LRIF1: variants seen among roughly 807,000 people sequenced by gnomAD.
LRIF1 encodes ligand-dependent nuclear receptor-interacting factor 1.
LRIF1 carries 32 observed loss-of-function variants against 52.7 expected under a neutral mutation model. The observed-to-expected ratio is 0.61, with a 90% CI of 0.46 to 0.82. The LOEUF is 0.82. LRIF1 is among the 40% of genes least tolerant of loss of function. The probability of loss-of-function intolerance (pLI) is 0.00; values close to 1 mark genes in which losing one functional copy is unlikely to be tolerated. For synonymous variants in LRIF1, 323 were observed against 317.4 expected (o/e 1.02, Z -0.19); for missense variants, 887 against 892.0 (o/e 0.99, Z 0.07).
At chr1:110,879,352 C>T in the LRIF1 span, among the ~76,000 whole-genome samples, 6 of 152,206 alleles carry the variant, frequency 3.9e-5, no homozygotes, top group East Asian at 1.9e-4. Flanking sequence ...CAAGGTCACA[C>T]TTCTGATAAG....
At chr1:110,879,920 T>A in the LRIF1 span, among the ~76,000 whole-genome samples, 1 of 152,080 alleles carries the variant, frequency 6.6e-6, no homozygotes, top group Non-Finnish European at 1.5e-5. Context: ...TAAGCTTGAT[T>A]AAATTCAAGA....
the LRIF1 span, among the ~76,000 whole-genome samples, chr1:110,927,699 A>G: frequency 4.0e-4 from 61 of 152,232 alleles, no homozygotes; most frequent in African/African-American, 1.4e-3. Context: ...CTTCACTTTT[A>G]CCTTCCAGGT....
At chr1:110,881,240 T>C in the LRIF1 span, among the ~76,000 whole-genome samples, 2 of 152,110 alleles carry the variant, frequency 1.3e-5, no homozygotes, top group Admixed American at 6.5e-5. Flanking sequence ...CTGCTCCCTC[T>C]CTACTCACCT....
chr1:110,882,352 A>G, the LRIF1 span, among the ~76,000 whole-genome samples: 1 of 152,090 alleles, frequency 6.6e-6, no homozygotes, highest in Non-Finnish European at 1.5e-5. Flanking sequence ...AGTATTCTTC[A>G]TTCTGTAATA....
chr1:110,875,525 C>T, the LRIF1 span, among the ~76,000 whole-genome samples: 2 of 152,194 alleles, frequency 1.3e-5, no homozygotes, highest in African/African-American at 4.8e-5. Flanking sequence ...CCAGGAAGTA[C>T]TGCATTGATT....
the LRIF1 span, chr1:110,894,860 G>A: frequency 1.2e-6 from 1 of 848,330 alleles, no homozygotes; most frequent in East Asian, 2.5e-5. Flanking sequence ...CATTTGGAAG[G>A]GAAGCGCAAG....
rs139310292 is a variant in LRIF1 at position 110,950,486 on chromosome 1, G to T, written c.1597-363C>A. 1.3e-3 allele frequency among the ~76,000 whole-genome samples: 203 copies of T among 152,214 alleles called. 1 individual carries two copies. Among genetic ancestry groups the T allele is most frequent in the Middle Eastern group, 6.8e-3 (2 of 294 alleles). The stretch of plus-strand genomic sequence containing the variant: ...ACATGCCTTTAATCGATCTTGTATT[G>T]AACAATCAGAATTTACCTCCTTACA... On this transcript the variant is annotated intron_variant, in intron 2 of 3. Coordinates refer to ENST00000369763, the MANE Select transcript of LRIF1 (RefSeq NM_018372.4).
At chr1:110,887,285 C>T in the LRIF1 span, among the ~76,000 whole-genome samples, 7 of 152,170 alleles carry the variant, frequency 4.6e-5, no homozygotes, top group African/African-American at 1.7e-4. Flanking sequence ...AGGATCGTCT[C>T]GATCTCCTGA....
chr1:110,941,523 AC>A, the LRIF1 span: 2 of 152,064 alleles, frequency 1.3e-5, no homozygotes, highest in Non-Finnish European at 2.9e-5. Flanking sequence ...CCTTTTACTA[AC>A]TAGATTACAG....
At chr1:110,939,305 GA>G in the LRIF1 span, 3 of 149,260 alleles carry the variant, frequency 2.0e-5, no homozygotes, top group Admixed American at 2.0e-4. Context: ...ATGAACCTGG[GA>G]GGCGGAGCTT....
At chr1:110,910,003 C>T in the LRIF1 span, among the ~76,000 whole-genome samples, 1 of 152,082 alleles carries the variant, frequency 6.6e-6, no homozygotes, top group African/African-American at 2.4e-5. Context: ...TATACATGCA[C>T]CCAATATTGG....
chr1:110,955,177 T>C (rs1351542337), intron 1 of LRIF1, among the ~76,000 whole-genome samples: 2 of 152,208 alleles, frequency 1.3e-5, no homozygotes, highest in African/African-American at 4.8e-5. Context: ...CTTTGCTAAA[T>C]AGCATCTCAT....
At chr1:110,910,592 C>T in the LRIF1 span, among the ~76,000 whole-genome samples, 1 of 152,266 alleles carries the variant, frequency 6.6e-6, no homozygotes, top group South Asian at 2.1e-4. Context: ...CAGAGTGAGA[C>T]TCTGTCTCAA....
chr1:110,915,217 G>A, the LRIF1 span, among the ~76,000 whole-genome samples: 1 of 152,202 alleles, frequency 6.6e-6, no homozygotes, highest in Admixed American at 6.5e-5. Context: ...CGGGCGCGGT[G>A]GCTCAAGCCT....
intron 1 of LRIF1, among the ~76,000 whole-genome samples, chr1:110,957,288 T>A (rs563230391): frequency 1.0e-3 from 128 of 125,988 alleles, no homozygotes; most frequent in Middle Eastern, 8.1e-3. Context: ...AAACCCCATC[T>A]CTACTAAAAA....
At chr1:110,882,827 G>GT in the LRIF1 span, among the ~76,000 whole-genome samples, 5 of 151,928 alleles carry the variant, frequency 3.3e-5, no homozygotes, top group Admixed American at 6.6e-5. Context: ...TGATGCTATT[G>GT]TAAATGATAC....
At chr1:110,877,365 AT>A in the LRIF1 span, among the ~76,000 whole-genome samples, 96 of 152,346 alleles carry the variant, frequency 6.3e-4, 1 homozygote, top group Non-Finnish European at 1.2e-3. Flanking sequence ...TGCAGACACC[AT>A]GGACAGGCCT....
At chr1:110,912,048 A>G in the LRIF1 span, among the ~76,000 whole-genome samples, 2 of 152,238 alleles carry the variant, frequency 1.3e-5, no homozygotes, top group East Asian at 3.8e-4. Context: ...CAACTGGAAA[A>G]GAACAAGTCA....
intron 1 of LRIF1, among the ~76,000 whole-genome samples, chr1:110,953,304 A>G (rs376714576): frequency 4.5e-4 from 69 of 152,252 alleles, no homozygotes; most frequent in African/African-American, 1.5e-3. Flanking sequence ...TCTTTTGCCT[A>G]AGCTATCTCT....
Sources: allele counts gnomAD v4.1 joint callset (sites outside exome capture counted in the v4.1 genomes callset), GRCh38; gene constraint gnomAD v4.1.1; transcripts MANE v1.5; gene names NCBI Gene and HGNC (gene_info 2026-07-23, HGNC 2026-07-21).